The following AP1G2 variants were observed in gnomAD, a reference collection of about 807,000 sequenced individuals.
The protein encoded by AP1G2 is AP-1 complex subunit gamma-like 2.
AP1G2 carries 85 observed loss-of-function variants against 95.8 expected under a neutral mutation model. The observed-to-expected ratio is 0.89, with a 90% CI of 0.74 to 1.06. AP1G2 has a LOEUF of 1.06. Ranked by LOEUF, AP1G2 falls within the 50% of genes least tolerant of loss-of-function variation. The pLI, the probability that AP1G2 is intolerant of heterozygous loss-of-function variation, is 0.00. For missense variants in AP1G2, 967 were observed against 1,005.8 expected (o/e 0.96, Z 0.52); for synonymous variants, 378 against 400.0 (o/e 0.94, Z 0.66).
Position 23,563,720 on chromosome 14 carries a change from C to T in AP1G2, c.1228G>A (p.Glu410Lys). 6.2e-7 allele frequency: 1 copy of T among 1,614,196 alleles called. No homozygotes were observed. Among genetic ancestry groups the T allele is most frequent in the Non-Finnish European group, 8.5e-7 (1 of 1,180,012 alleles). ...TTCGACTCCTGGGCACCTCACCTCT[C>T]TGCAGCCAGCAGGATGCCTGAGGCA... ...DCASGILLAA[E>K]RFAPTKRWHI... The change falls in exon 12 of 22, where the codon GAG (glutamate) becomes AAG (lysine). Residue 410 changes from glutamate (E) to lysine (K), a missense_variant. By Grantham distance (56) the Glu-to-Lys change is moderately conservative. Coordinates refer to ENST00000397120, the MANE Select transcript of AP1G2 (RefSeq NM_003917.5).
Position 23,567,151 on chromosome 14 carries a change from A to G in AP1G2, c.164T>C (p.Leu55Pro). 6.2e-7 allele frequency: 1 copy of G among 1,612,952 alleles called. No homozygotes were observed. Residue 55 changes from leucine to proline, a missense_variant, in exon 2 of 22, where the codon CTC becomes CCC. By Grantham distance (98) the Leu-to-Pro change is moderately conservative (BLOSUM62 -3). Transcript: ENST00000397120. This position sits in a 1 kb window ranked among gnomAD's most constrained non-coding sequence, Gnocchi z 5.3. ...VHRHRQLAKL[L>P]YVHMLGYPAH... Reference sequence around the variant, plus strand: ...GGGGTAGCCCAACATGTGGACGTAGAGCAGTTTGGCCAGCTGCCGGTGCCT... The same window carrying G: ...GGGGTAGCCCAACATGTGGACGTAGGGCAGTTTGGCCAGCTGCCGGTGCCT...
chr14:23,567,409 C>G lies in AP1G2; in HGVS notation c.-5-90G>C. ...CCGTCCTGTGTCAAGACCCTAAGAG[C>G]CCGGGTCCCACAGGTACCCTAAAAT... is the stretch of plus-strand genomic sequence containing the variant. On this transcript the variant is annotated intron_variant, in intron 1 of 21. Coordinates refer to ENST00000397120, the MANE Select transcript of AP1G2 (RefSeq NM_003917.5). This position sits in a 1 kb window ranked among gnomAD's most constrained non-coding sequence, Gnocchi z 5.3. 6.8e-7 allele frequency: 1 copy of G among 1,463,802 alleles called. No individual in the cohort carries two copies. The highest frequency in any genetic ancestry group is 9.0e-7 in the Non-Finnish European group (1 of 1,115,040). 90.7% of individuals were successfully genotyped at this position (1,463,802 alleles called of 1,614,324 possible).
chr14:23,562,473 C>T lies in AP1G2; in HGVS notation c.1500+31G>A, dbSNP rs539071595. 1.9e-5 allele frequency: 30 copies of T among 1,610,894 alleles called. No homozygotes were observed. The South Asian group carries it at 2.6e-4, about 14-fold the overall frequency. ...GCAAGTCCTGTCCCCCTGACAAGTC[C>T]CTCCTCAGTGTACCCCCAATGAGGT... On this transcript the variant is annotated intron_variant, in intron 15 of 21. Coordinates refer to ENST00000397120, the MANE Select transcript of AP1G2 (RefSeq NM_003917.5).
At chr14:23,565,304 G>C (rs1328276670) in intron 7 of AP1G2, 105 bp from the exon 8 acceptor site, 1 of 1,221,526 alleles carries the variant, frequency 8.2e-7, no homozygotes, top group African/African-American at 1.5e-5. Flanking sequence ...GCTCCCTAGA[G>C]CCTTCCCCCA....
chr14:23,563,406 TG>T lies in AP1G2; in HGVS notation c.1383del (p.Tyr461Ter), dbSNP rs757201793. The T allele has an allele frequency of 1.9e-6, 3 of 1,605,352 alleles. No individual in the cohort carries two copies. The East Asian group carries it at 6.7e-5, about 36-fold the overall frequency. ...TGGGAAATGTCTTCTGCCAGGGCATTGTAGAGGCGGCGCACAGAGTAGGCAT... is the reference window on the plus strand; with the variant it reads ...TGGGAAATGTCTTCTGCCAGGGCATTTAGAGGCGGCGCACAGAGTAGGCAT... ...ELHAYSVRRL[Y>X]NALAEDISQQ... On this transcript the variant is annotated frameshift_variant, in exon 14 of 22. Transcript: ENST00000397120. LOFTEE classifies it high-confidence loss of function.
Position 23,564,349 on chromosome 14 carries a change from T to G in AP1G2, c.961A>C (p.Ser321Arg). 6.2e-7 allele frequency: 1 copy of G among 1,614,142 alleles called. No individual in the cohort carries two copies. ...VNILGRFLLNSDRNIRYVALT... is the reference protein window; with the variant it reads ...VNILGRFLLNRDRNIRYVALT... ...GACTATTACCTAATGTTCCTGTCAC[T>G]GTTGAGTAGGAAGCGACCAAGAATG... Residue 321 changes from serine to arginine, a missense_variant, in exon 10 of 22, where the codon AGT becomes CGT. Coordinates refer to ENST00000397120, the MANE Select transcript of AP1G2 (RefSeq NM_003917.5).
At position 23,567,724 on chromosome 14, in the gene AP1G2, G is replaced by C; in HGVS notation, c.-6+15C>G. ...CGGCAGCGACAGCCTGCCTACCCCA[G>C]GACTCCAGCCTCACCTGGCTTCTGC... is the stretch of plus-strand genomic sequence containing the variant. On this transcript the variant is annotated intron_variant, in intron 1 of 21. Transcript: ENST00000397120. The surrounding 1 kb of genome is among the most constrained non-coding windows in gnomAD (Gnocchi z 5.3). 1.9e-6 allele frequency: 2 copies of C among 1,037,228 alleles called. No individual in the cohort carries two copies. The highest frequency in any genetic ancestry group is 2.3e-6 in the Non-Finnish European group (2 of 862,090). 64.3% of individuals were successfully genotyped at this position (1,037,228 alleles called of 1,614,324 possible).
chr14:23,565,127 G>C lies in AP1G2; in HGVS notation c.814C>G (p.Leu272Val). The C allele has an allele frequency of 6.2e-7, 1 of 1,614,234 alleles. No homozygotes were observed. Among genetic ancestry groups the C allele is most frequent in the South Asian group, 1.1e-5 (1 of 91,084 alleles). ...EESSETMNDL[L>V]AQVATNTDTS... is the part of the protein sequence containing the mutation. ...GCCCTCCCAGGCCCCACCTGGGCCA[G>C]CAAGTCATTCATGGTCTCACTGCTC... The change falls in exon 8 of 22, where the codon CTG becomes GTG. Residue 272 changes from leucine to valine, a missense_variant. Physicochemically the swap from Leu to Val is conservative, Grantham distance 32. Coordinates refer to ENST00000397120, the MANE Select transcript of AP1G2 (RefSeq NM_003917.5).
Position 23,562,557 on chromosome 14 carries a change from C to A in AP1G2, c.1447G>T (p.Glu483Ter). Residue 483 changes from glutamate to a stop codon, truncating the protein, a stop_gained, in exon 15 of 22, where the codon GAG becomes TAG. Coordinates refer to ENST00000397120, the MANE Select transcript of AP1G2 (RefSeq NM_003917.5). LOFTEE classifies it high-confidence loss of function. The stretch of plus-strand genomic sequence containing the variant: ...CCTGCCAGCAGGAGGTCCCCATACT[C>A]CCCAATGCACCAGGCTGCCACCTGC... ...LVQVAAWCIG[E>*]YGDLLLAGNC... 1 of 1,614,188 alleles carries A rather than the reference C, an allele frequency of 6.2e-7. No individual in the cohort carries two copies. The highest frequency in any genetic ancestry group is 8.5e-7 in the Non-Finnish European group (1 of 1,180,032).
At chr14:23,566,220 T>C in intron 4 of AP1G2, 58 bp downstream of exon 4, 2 of 1,605,746 alleles carry the variant, frequency 1.2e-6, no homozygotes, top group African/African-American at 1.3e-5. Context: ...CATCTACTAC[T>C]ATATAGCACG....
chr14:23,561,702 T>TGAG lies in AP1G2; in HGVS notation c.1734-70_1734-68dup, dbSNP rs962145986. The TGAG allele has an allele frequency of 7.6e-6, 12 of 1,588,960 alleles. No homozygotes were observed. In the African/African-American group the frequency reaches 1.2e-4, roughly 16 times the overall value. Reference sequence around the variant, plus strand: ...GGCCTTTCACAAGAGGCATCTAGGATGAGGACTAGGAATATGGAGCCCTGG... The same window carrying TGAG: ...GGCCTTTCACAAGAGGCATCTAGGATGAGGAGGACTAGGAATATGGAGCCCTGG... On this transcript the variant is annotated intron_variant, in intron 17 of 21. Coordinates refer to ENST00000397120, the MANE Select transcript of AP1G2 (RefSeq NM_003917.5).
intron 14 of AP1G2, 58 bp downstream of exon 14, chr14:23,563,322 C>T: frequency 3.2e-6 from 5 of 1,549,524 alleles, no homozygotes; most frequent in Non-Finnish European, 4.4e-6. Flanking sequence ...AGGAGGTGGC[C>T]CAGGATGGGC....
In AP1G2 at chr14:23,563,396, G is replaced by GC; in HGVS notation, c.1393dup (p.Ala465GlyfsTer33). On this transcript the variant is annotated frameshift_variant, in exon 14 of 22. Transcript: ENST00000397120. LOFTEE classifies it high-confidence loss of function. ...GAATGGTACCTGGGAAATGTCTTCT[G>GC]CCAGGGCATTGTAGAGGCGGCGCAC... The GC allele has an allele frequency of 1.3e-6, 2 of 1,599,232 alleles. No individual in the cohort carries two copies. Among genetic ancestry groups the GC allele is most frequent in the Non-Finnish European group, 1.7e-6 (2 of 1,173,510 alleles).
rs1566616338 is a variant in AP1G2 at position 23,560,398 on chromosome 14, C to G, written c.2014G>C (p.Val672Leu). Reference protein sequence around the residue: ...PPPAPIPDLKVFEREGVQLNL... With the variant: ...PPPAPIPDLKLFEREGVQLNL... ...AGCTGTACTCCCTCACGCTCAAACA[C>G]TTTGAGATCTGGGATGGGAGCTGGA... Residue 672 changes from valine (V) to leucine (L), a missense_variant, in exon 20 of 22, where the codon GTG becomes CTG. Val to Leu is a conservative substitution (Grantham distance 32, BLOSUM62 1). Coordinates refer to ENST00000397120, the MANE Select transcript of AP1G2 (RefSeq NM_003917.5). The G allele has an allele frequency of 6.2e-7, 1 of 1,613,654 alleles. No homozygotes were observed.
intron 7 of AP1G2, 29 bp downstream of exon 7, chr14:23,565,577 A>C: frequency 6.4e-7 from 1 of 1,564,952 alleles, no homozygotes. Context: ...TCTCTGATCC[A>C]GGGATACAGC....
At chr14:23,563,688 T>C in intron 12 of AP1G2, 28 bp downstream of exon 12, 1 of 1,614,180 alleles carries the variant, frequency 6.2e-7, no homozygotes, top group Non-Finnish European at 8.5e-7. Context: ...CCCCAGATTC[T>C]ACCCTCTTCG....
intron 16 of AP1G2, 90 bp downstream of exon 16, chr14:23,562,181 AAGGGCTAGGGGGTAGGG>A: frequency 6.3e-7 from 1 of 1,591,444 alleles, no homozygotes; most frequent in South Asian, 1.1e-5. Context: ...ACAAGAACCT[AAGGGCTAGGGGGTAGGG>A]AGGGCTGGGC....
In AP1G2 at chr14:23,565,118, C is replaced by A. The variant is rs750657977; in HGVS notation, c.822+1G>T. On this transcript the variant is annotated splice_donor_variant, in intron 8 of 21. Coordinates refer to ENST00000397120, the MANE Select transcript of AP1G2 (RefSeq NM_003917.5). LOFTEE classifies it high-confidence loss of function. ...CTAACCAGTGCCCTCCCAGGCCCCA[C>A]CTGGGCCAGCAAGTCATTCATGGTC... The A allele has an allele frequency of 1.9e-6, 3 of 1,614,180 alleles. No individual in the cohort carries two copies. Among genetic ancestry groups the A allele is most frequent in the South Asian group, 2.2e-5 (2 of 91,082 alleles).
chr14:23,565,667 A>G lies in AP1G2; in HGVS notation c.680T>C (p.Leu227Pro). 6.2e-7 allele frequency: 1 copy of G among 1,614,190 alleles called. No homozygotes were observed. The highest frequency in any genetic ancestry group is 8.5e-7 in the Non-Finnish European group (1 of 1,180,014). The change falls in exon 7 of 22, where the codon CTG becomes CCG. Residue 227 changes from leucine (L) to proline (P), a missense_variant. Leu to Pro is a moderately conservative substitution (Grantham distance 98, BLOSUM62 -3). Coordinates refer to ENST00000397120, the MANE Select transcript of AP1G2 (RefSeq NM_003917.5). ...TTCTGTGGAGTATCCCATTGTCACCAGAGTCCGGAGGATGTGTACCAGCTG... is the reference window on the plus strand; with the variant it reads ...TTCTGTGGAGTATCCCATTGTCACCGGAGTCCGGAGGATGTGTACCAGCTG... Reference protein sequence around the residue: ...VPQLVHILRTLVTMGYSTEHS... With the variant: ...VPQLVHILRTPVTMGYSTEHS...
Sources: allele counts gnomAD v4.1 joint callset, GRCh38; gene constraint gnomAD v4.1.1; non-coding constraint Gnocchi (gnomAD v3.1); transcripts MANE v1.5; gene names NCBI Gene and HGNC (gene_info 2026-07-23, HGNC 2026-07-21).